LARGE1: variants seen among roughly 807,000 people sequenced by gnomAD.
LARGE1 encodes xylosyl- and glucuronyltransferase LARGE1.
Under a neutral mutation model 87.6 loss-of-function variants are expected in LARGE1, and 43 were observed. The ratio of observed to expected loss-of-function variants is 0.49; its 90% confidence interval spans 0.38 to 0.63. The LOEUF (loss-of-function observed/expected upper bound fraction) is 0.63, where lower values mean the gene tolerates loss of function less well. Ranked by LOEUF, LARGE1 falls within the 30% of genes least tolerant of loss-of-function variation. LARGE1 has a pLI of 0.00. For missense variants in LARGE1, 802 were observed against 1,000.2 expected, an observed-to-expected ratio of 0.80 and a Z score of 2.67; for synonymous variants, 434 against 394.6, an observed-to-expected ratio of 1.10 and a Z score of -1.18.
At chr22:33,612,582 G>A (rs1357887335) in intron 4 of LARGE1, among the ~76,000 whole-genome samples, 1 of 152,206 alleles carries the variant, frequency 6.6e-6, no homozygotes, top group Non-Finnish European at 1.5e-5. Context: ...AAAGTACAGA[G>A]CAGGTCTGTG....
At chr22:33,277,451 A>G (rs1309592793) in intron 13 of LARGE1, among the ~76,000 whole-genome samples, 196 bp from the exon 14 acceptor site, 2 of 152,248 alleles carry the variant, frequency 1.3e-5, no homozygotes, top group Admixed American at 1.3e-4. Flanking sequence ...GGATCTTTGC[A>G]GATATAATGA....
chr22:33,284,207 T>A (rs1931072431), intron 12 of LARGE1, among the ~76,000 whole-genome samples: 1 of 152,128 alleles, frequency 6.6e-6, no homozygotes, highest in East Asian at 1.9e-4. Context: ...CCTGGGCTGG[T>A]CAATCACTCC....
At chr22:33,625,175 C>T (rs569401225) in intron 4 of LARGE1, among the ~76,000 whole-genome samples, 2 of 152,336 alleles carry the variant, frequency 1.3e-5, no homozygotes, top group African/African-American at 4.8e-5. Flanking sequence ...GGTTTCCATG[C>T]TGTTGGCTAC....
chr22:33,432,876 A>C (rs936780293), intron 6 of LARGE1, among the ~76,000 whole-genome samples: 3 of 152,164 alleles, frequency 2.0e-5, no homozygotes, highest in African/African-American at 7.2e-5. Context: ...TCTTGTGTCA[A>C]CAAGCATCAT....
chr22:33,371,404 G>A (rs2064804020), intron 9 of LARGE1, among the ~76,000 whole-genome samples: 1 of 152,298 alleles, frequency 6.6e-6, no homozygotes, highest in African/African-American at 2.4e-5. Context: ...AAGTCATGAA[G>A]CTATGAAGTC....
intron 1 of LARGE1, among the ~76,000 whole-genome samples, chr22:33,853,945 A>T (rs1199763098): frequency 6.6e-6 from 1 of 152,140 alleles, no homozygotes; most frequent in East Asian, 1.9e-4. Flanking sequence ...TGCGAAAGTG[A>T]AACTGCTCTC....
rs944932279 is a variant in LARGE1 at position 33,360,540 on chromosome 22, G to T, written c.1131+21379C>A. 1.3e-5 allele frequency among the ~76,000 whole-genome samples: 2 copies of T among 148,978 alleles called. 1 individual carries two copies. Among genetic ancestry groups the T allele is most frequent in the Non-Finnish European group, 3.0e-5 (2 of 66,926 alleles). On this transcript the variant is annotated intron_variant, in intron 9 of 14. Transcript: ENST00000397394. ...GATGCTATACACTTTTAAACAATCG[G>T]ATCTTGTGAGAACACTATCATAAGA...
downstream of LARGE1, among the ~76,000 whole-genome samples, chr22:33,271,961 C>T (rs2145782885): frequency 6.6e-6 from 1 of 152,348 alleles, no homozygotes; most frequent in East Asian, 1.9e-4. Context: ...ACATCATCTT[C>T]TAGTTTATGC....
chr22:33,627,299 T>C (rs1242652548), intron 3 of LARGE1, among the ~76,000 whole-genome samples: 3 of 152,184 alleles, frequency 2.0e-5, no homozygotes, highest in Non-Finnish European at 4.4e-5. Context: ...CTCTAGGGCA[T>C]CCCCGACGGG....
intron 4 of LARGE1, among the ~76,000 whole-genome samples, chr22:33,606,225 GA>G (rs920395990): frequency 6.6e-6 from 1 of 152,054 alleles, no homozygotes; most frequent in Non-Finnish European, 1.5e-5. Flanking sequence ...GTAACACAGT[GA>G]AACCCCATCT....
At chr22:33,115,537 G>A in the LARGE1 span, among the ~76,000 whole-genome samples, 1 of 152,058 alleles carries the variant, frequency 6.6e-6, no homozygotes, top group Non-Finnish European at 1.5e-5. Context: ...AAGAGAAGAG[G>A]CCAGGCGAGG....
chr22:33,855,372 G>A (rs1159180227), intron 1 of LARGE1, among the ~76,000 whole-genome samples: 2 of 152,118 alleles, frequency 1.3e-5, no homozygotes, highest in African/African-American at 2.4e-5. Context: ...GGGCCTTGAA[G>A]AACGGGTGGA....
At chr22:33,761,794 G>GCA (rs936281086) in intron 1 of LARGE1, among the ~76,000 whole-genome samples, 1 of 151,722 alleles carries the variant, frequency 6.6e-6, no homozygotes, top group Admixed American at 6.6e-5. Flanking sequence ...ACACAAACAC[G>GCA]CACACACACA....
chr22:33,334,372 C>T (rs1938143762), intron 10 of LARGE1, among the ~76,000 whole-genome samples: 1 of 144,536 alleles, frequency 6.9e-6, no homozygotes, highest in South Asian at 2.3e-4. Flanking sequence ...GATCGCGCCA[C>T]TGCACTCTAG....
At chr22:33,500,679 C>A (rs187481770) in intron 6 of LARGE1, among the ~76,000 whole-genome samples, 7 of 152,256 alleles carry the variant, frequency 4.6e-5, no homozygotes, top group Admixed American at 3.9e-4. Context: ...GTGTCCTCAT[C>A]CATAAAATGG....
chr22:33,109,438 G>A, the LARGE1 span, among the ~76,000 whole-genome samples: 55 of 152,136 alleles, frequency 3.6e-4, no homozygotes, highest in Non-Finnish European at 6.6e-4. Context: ...TGATCTTCCC[G>A]TCTCAGCCTC....
intron 6 of LARGE1, among the ~76,000 whole-genome samples, chr22:33,502,053 G>A (rs1019494672): frequency 1.3e-5 from 2 of 152,016 alleles, no homozygotes; most frequent in Admixed American, 6.6e-5. Context: ...AAAATTAGCC[G>A]GGCATGCTGG....
intron 1 of LARGE1, among the ~76,000 whole-genome samples, chr22:33,764,526 G>A (rs530799708): frequency 1.3e-5 from 2 of 152,120 alleles, no homozygotes; most frequent in East Asian, 3.9e-4. Flanking sequence ...GGGAGGCCGA[G>A]GTGGGCAGAT....
intron 6 of LARGE1, among the ~76,000 whole-genome samples, chr22:33,452,996 T>C (rs1050865822): frequency 2.6e-5 from 4 of 152,238 alleles, no homozygotes; most frequent in African/African-American, 9.6e-5. Flanking sequence ...GAGAATGCTG[T>C]GTGCTTAAGC....
Sources: allele counts gnomAD v4.1 joint callset (sites outside exome capture counted in the v4.1 genomes callset), GRCh38; gene constraint gnomAD v4.1.1; transcripts MANE v1.5; gene names NCBI Gene and HGNC (gene_info 2026-07-23, HGNC 2026-07-21).